BTAF1: variants seen among roughly 807,000 people sequenced by gnomAD.
BTAF1 encodes B-TFIID TATA-box binding protein associated factor 1, also known as TATA-binding protein-associated factor 172.
Under a neutral mutation model 227.1 loss-of-function variants are expected in BTAF1, and 38 were observed. The observed-to-expected ratio is 0.17, with a 90% confidence interval of 0.13 to 0.22. The LOEUF (loss-of-function observed/expected upper bound fraction) is 0.22. Among genes scored for constraint, BTAF1 ranks in the 10% least tolerant of loss-of-function variants. BTAF1 has a pLI of 1.00. For missense variants in BTAF1, 1,598 were observed against 2,204.0 expected (o/e 0.73, Z 5.51); for synonymous variants, 742 against 751.9 (o/e 0.99, Z 0.21).
intron 20 of BTAF1, 148 bp from the exon 21 acceptor site, chr10:91,991,971 A>C: frequency 1.7e-6 from 1 of 592,622 alleles, no homozygotes; most frequent in East Asian, 2.9e-5. Flanking sequence ...TTTTATTGCC[A>C]TTTCATTGTC....
At chr10:91,943,065 G>GC (rs1845120343) in intron 4 of BTAF1, among the ~76,000 whole-genome samples, 1 of 152,126 alleles carries the variant, frequency 6.6e-6, no homozygotes, top group Non-Finnish European at 1.5e-5. Context: ...TGTAATCCCA[G>GC]CACTTTGAGA....
chr10:91,985,079 C>T (rs1023091645), intron 19 of BTAF1, among the ~76,000 whole-genome samples: 2 of 151,942 alleles, frequency 1.3e-5, no homozygotes, highest in East Asian at 3.8e-4. Flanking sequence ...ATGCATATGC[C>T]TATGAAACCT....
intron 24 of BTAF1, 118 bp downstream of exon 24, chr10:91,996,688 T>C: frequency 1.1e-6 from 1 of 893,788 alleles, no homozygotes; most frequent in Non-Finnish European, 1.6e-6. Context: ...TTCCAAAAAA[T>C]ACCTATTCTT....
At chr10:91,991,835 A>ACACATATATATATATATATACG in intron 20 of BTAF1, among the ~76,000 whole-genome samples, 1 of 147,112 alleles carries the variant, frequency 6.8e-6, no homozygotes, top group African/African-American at 2.5e-5. Context: ...ATATATATAC[A>ACACATATATATATATATATACG]CACATATATA....
At chr10:91,994,248 C>T (rs937313007) in intron 22 of BTAF1, among the ~76,000 whole-genome samples, 1 of 151,284 alleles carries the variant, frequency 6.6e-6, no homozygotes, top group African/African-American at 2.4e-5. Context: ...TGCAGTGAGC[C>T]GAGATTATGC....
intron 14 of BTAF1, among the ~76,000 whole-genome samples, chr10:91,967,052 A>G (rs1050689455): frequency 2.6e-5 from 4 of 152,210 alleles, no homozygotes; most frequent in African/African-American, 7.2e-5. Context: ...GACCTGTTAT[A>G]TAGTCTTTGC....
At position 91,982,664 on chromosome 10, in the gene BTAF1, C is replaced by A; in HGVS notation, c.2126C>A (p.Ser709Tyr). ...VVTQEIKPAE[S>Y]LGQLLLFHLN... ...ACTCAAGAAATTAAACCAGCTGAATCCCTGGGCCAGTTACTACTCTTCCAT... is the reference window on the plus strand; with the variant it reads ...ACTCAAGAAATTAAACCAGCTGAATACCTGGGCCAGTTACTACTCTTCCAT... The change falls in exon 18 of 38, where the codon TCC becomes TAC. Residue 709 changes from serine to tyrosine, a missense_variant. Transcript: ENST00000265990. 1 of 1,613,904 alleles carries A rather than the reference C, an allele frequency of 6.2e-7. No individual in the cohort carries two copies. The highest frequency in any genetic ancestry group is 8.5e-7 in the Non-Finnish European group (1 of 1,179,886).
Position 92,029,825 on chromosome 10 carries a change from CT to C in BTAF1, c.*895del. 1 of 152,518 alleles carries C rather than the reference CT, an allele frequency of 6.6e-6. No homozygotes were observed. Among genetic ancestry groups the C allele is most frequent in the Admixed American group, 6.6e-5 (1 of 15,266 alleles). 9.4% of individuals were successfully genotyped at this position (152,518 alleles called of 1,614,324 possible). A position where few individuals can be genotyped will look rare whatever the true frequency, so the allele number is the denominator to read the frequency against. ...GAAGCATAAAAGGGAGAGAGAATTT[CT>C]TTATATACACAAACATACATGAATA... is the stretch of plus-strand genomic sequence containing the variant. On this transcript the variant is annotated 3_prime_UTR_variant, in exon 38 of 38. Transcript: ENST00000265990.
intron 19 of BTAF1, among the ~76,000 whole-genome samples, chr10:91,985,791 G>A (rs968814812): frequency 6.6e-6 from 1 of 151,886 alleles, no homozygotes; most frequent in Non-Finnish European, 1.5e-5. Flanking sequence ...TCAAAATCTT[G>A]TCTACTTTGA....
At chr10:91,991,292 A>ATATATATATATATATAT (rs1848736961) in intron 20 of BTAF1, among the ~76,000 whole-genome samples, 1 of 137,464 alleles carries the variant, frequency 7.3e-6, no homozygotes, top group Non-Finnish European at 1.6e-5. Flanking sequence ...ATATATATAT[A>ATATATATATATATATAT]AATTATCCGG....
intron 34 of BTAF1, among the ~76,000 whole-genome samples, chr10:92,021,227 C>G (rs889229759): frequency 6.6e-6 from 1 of 152,200 alleles, no homozygotes; most frequent in East Asian, 1.9e-4. Flanking sequence ...ATTGCCAAAG[C>G]TAGAATGAAA....
At chr10:92,026,851 CA>C in intron 36 of BTAF1, 100 bp downstream of exon 36, 2 of 1,290,224 alleles carry the variant, frequency 1.6e-6, no homozygotes, top group Non-Finnish European at 2.1e-6. Flanking sequence ...CTGGTGTTAA[CA>C]TACATGTGTT....
At chr10:91,992,378 T>C (rs1357493990) in intron 21 of BTAF1, 69 bp downstream of exon 21, 1 of 1,355,064 alleles carries the variant, frequency 7.4e-7, no homozygotes, top group Non-Finnish European at 9.9e-7. Flanking sequence ...AATTGAGAAC[T>C]AAGTTGTATT....
chr10:91,997,733 T>A lies in BTAF1; in HGVS notation c.3642T>A (p.Ile1214=). 2 of 1,613,782 alleles carry A rather than the reference T, an allele frequency of 1.2e-6. No individual in the cohort carries two copies. The highest frequency in any genetic ancestry group is 1.7e-6 in the Non-Finnish European group (2 of 1,180,018). The change falls in exon 25 of 38, where the codon ATT becomes ATA. Residue 1214 remains isoleucine (I), a synonymous_variant. Coordinates refer to ENST00000265990, the MANE Select transcript of BTAF1 (RefSeq NM_003972.3). ...FMATQCFATL[I]RLMPLEAGIP... ...CCACGCAGTGCTTTGCAACGCTAAT[T>A]AGACTCATGCCACTTGAGGTAAGTC...
At chr10:91,971,382 G>A (rs1337935358) in intron 14 of BTAF1, among the ~76,000 whole-genome samples, 1 of 151,388 alleles carries the variant, frequency 6.6e-6, no homozygotes, top group Non-Finnish European at 1.5e-5. Context: ...ATTCTTAGCA[G>A]TCTCTGATTT....
intron 1 of BTAF1, among the ~76,000 whole-genome samples, chr10:91,925,057 T>A (rs986236909): frequency 2.6e-5 from 4 of 152,178 alleles, no homozygotes; most frequent in African/African-American, 7.2e-5. Context: ...GTGCACAAGT[T>A]TTATCTGTTT....
At chr10:91,936,045 A>G (rs1844587549) in intron 2 of BTAF1, among the ~76,000 whole-genome samples, 1 of 152,048 alleles carries the variant, frequency 6.6e-6, no homozygotes. Flanking sequence ...CTGGTTTGTT[A>G]GTAGTCTAAC....
At chr10:92,022,283 A>G (rs1331536581) in intron 34 of BTAF1, among the ~76,000 whole-genome samples, 1 of 152,254 alleles carries the variant, frequency 6.6e-6, no homozygotes, top group African/African-American at 2.4e-5. Context: ...TATTCTTAAT[A>G]TAACTGGTTA....
At chr10:91,997,003 A>T in intron 24 of BTAF1, 1 of 741,762 alleles carries the variant, frequency 1.3e-6, no homozygotes, top group Non-Finnish European at 2.0e-6. Flanking sequence ...TATACTAGAT[A>T]ATTAGAAATA....
Sources: gnomAD v4.1 joint callset for allele counts (sites outside exome capture counted in the v4.1 genomes callset) on GRCh38, gnomAD v4.1.1 for gene constraint, MANE v1.5 for transcripts, NCBI Gene and HGNC (gene_info 2026-07-23, HGNC 2026-07-21) for gene names.